CCDC85C: variants seen among roughly 807,000 people sequenced by gnomAD.
CCDC85C encodes coiled-coil domain containing 85C, also known as coiled-coil domain-containing protein 85C.
In CCDC85C, 18 loss-of-function variants were observed where a neutral mutation model predicts 38.3. That is an observed-to-expected ratio of 0.47 (90% CI 0.33 to 0.70). The LOEUF is 0.70. CCDC85C is among the 30% of genes least tolerant of loss of function. The probability of loss-of-function intolerance (pLI) is 0.03; values close to 1 mark genes in which losing one functional copy is unlikely to be tolerated. For synonymous variants in CCDC85C, 264 were observed against 293.8 expected (o/e 0.90, Z 1.04); for missense variants, 566 against 621.2 (o/e 0.91, Z 0.94).
intron 1 of CCDC85C, among the ~76,000 whole-genome samples, chr14:99,577,347 G>A (rs1221378036): frequency 2.7e-5 from 4 of 149,964 alleles, no homozygotes; most frequent in Non-Finnish European, 3.0e-5. Flanking sequence ...GAGGGCTGAC[G>A]GCGTGTCCAG....
chr14:99,573,173 A>G (rs1054686661), intron 1 of CCDC85C, among the ~76,000 whole-genome samples: 6 of 152,144 alleles, frequency 3.9e-5, no homozygotes, highest in Non-Finnish European at 8.8e-5. Context: ...TCCCCGCGGG[A>G]CCTGCTGCTC....
At chr14:99,564,600 G>T (rs1171605271) in intron 1 of CCDC85C, among the ~76,000 whole-genome samples, 1 of 152,152 alleles carries the variant, frequency 6.6e-6, no homozygotes, top group Non-Finnish European at 1.5e-5. Flanking sequence ...AGCCCCCCAG[G>T]GGGGCAGGCC....
chr14:99,539,820 G>T (rs80141450), intron 1 of CCDC85C, among the ~76,000 whole-genome samples: 1 of 152,092 alleles, frequency 6.6e-6, no homozygotes, highest in African/African-American at 2.4e-5. Context: ...TCAAATAATC[G>T]ACTTGTAGTC....
Position 99,500,676 on chromosome 14 carries a change from A to G in CCDC85C, c.*14570T>C. The G allele has an allele frequency of 1.2e-6, 1 of 840,156 alleles. No individual in the cohort carries two copies. Among genetic ancestry groups the G allele is most frequent in the Non-Finnish European group, 2.0e-6 (1 of 505,150 alleles). The allele number at this position is 840,156 out of a possible 1,614,324, so 52.0% of individuals were successfully genotyped here. ...AGTTGCTAAAATATAACTTGAAGAG[A>G]GAATAAATAGACAGGAAAGCTCACT... On this transcript the variant is annotated 3_prime_UTR_variant, in exon 6 of 6. Transcript: ENST00000380243.
chr14:99,594,064 C>T (rs1490303216), intron 1 of CCDC85C, among the ~76,000 whole-genome samples: 2 of 151,876 alleles, frequency 1.3e-5, no homozygotes, highest in Admixed American at 1.3e-4. Context: ...TAACTCGGTG[C>T]CAAGTGTACA....
Position 99,509,344 on chromosome 14 carries a change from T to C in CCDC85C, c.*5902A>G, listed in dbSNP as rs1897056047. The C allele has an allele frequency of 6.6e-6, 1 of 152,240 alleles. No homozygotes were observed. Among genetic ancestry groups the C allele is most frequent in the Non-Finnish European group, 1.5e-5 (1 of 68,054 alleles). The allele number at this position is 152,240 out of a possible 1,614,324, so 9.4% of individuals were successfully genotyped here. A position where few individuals can be genotyped will look rare whatever the true frequency, so the allele number is the denominator to read the frequency against. On this transcript the variant is annotated 3_prime_UTR_variant, in exon 6 of 6. Transcript: ENST00000380243. ...CCAGTGGTCTGACGGTGACCCGGGA[T>C]CACAGGCCAAAACATGTTAAATAAG...
chr14:99,574,934 C>T (rs960647506), intron 1 of CCDC85C, among the ~76,000 whole-genome samples: 2 of 152,204 alleles, frequency 1.3e-5, no homozygotes, highest in African/African-American at 4.8e-5. Context: ...ATGGGTCACC[C>T]CCAGGGTTGC....
At chr14:99,546,028 C>T (rs1897799507) in intron 1 of CCDC85C, among the ~76,000 whole-genome samples, 2 of 151,242 alleles carry the variant, frequency 1.3e-5, no homozygotes, top group Admixed American at 1.3e-4. Flanking sequence ...GATTATGATG[C>T]AACTAATCGC....
Position 99,503,588 on chromosome 14 carries a change from TTG to T in CCDC85C, c.*11656_*11657del. The T allele has an allele frequency of 6.4e-7, 1 of 1,551,412 alleles. No homozygotes were observed. The highest frequency in any genetic ancestry group is 8.7e-7 in the Non-Finnish European group (1 of 1,144,854). The stretch of plus-strand genomic sequence containing the variant: ...TCATACTCAGGATCCCAGTTAACAA[TTG>T]TGTATTTTCTTTTGTAACAGGTTGT... On this transcript the variant is annotated 3_prime_UTR_variant, in exon 6 of 6. Transcript: ENST00000380243.
In CCDC85C at chr14:99,503,285, A is replaced by G. The variant is rs1227600893; in HGVS notation, c.*11961T>C. The G allele has an allele frequency of 1.1e-5, 7 of 619,170 alleles. No individual in the cohort carries two copies. The highest frequency in any genetic ancestry group is 2.8e-5 in the East Asian group (1 of 36,106). 38.4% of individuals were successfully genotyped at this position (619,170 alleles called of 1,614,324 possible). On this transcript the variant is annotated 3_prime_UTR_variant, in exon 6 of 6. Coordinates refer to ENST00000380243, the MANE Select transcript of CCDC85C (RefSeq NM_001144995.2). ...CCGTGTCCTAGCAGTGTCGTTGTGC[A>G]TGCTGCTTCTGTGCAGCTGCCTGAC...
intron 1 of CCDC85C, among the ~76,000 whole-genome samples, chr14:99,575,198 G>C (rs553371014): frequency 1.3e-4 from 20 of 152,192 alleles, no homozygotes; most frequent in Non-Finnish European, 1.8e-4. Flanking sequence ...CGTGGGGTGA[G>C]GCCGCGTCCT....
chr14:99,603,054 C>G lies in CCDC85C; in HGVS notation c.793+113G>C, dbSNP rs2055220787. On this transcript the variant is annotated intron_variant, in intron 1 of 5. Coordinates refer to ENST00000380243, the MANE Select transcript of CCDC85C (RefSeq NM_001144995.2). The surrounding 1 kb of genome is among the most constrained non-coding windows in gnomAD (Gnocchi z 7.5). Reference sequence around the variant, plus strand: ...CAGGATCCATGACAGCTGGAGGAGTCTGGAGTGGCGGCCGCATGAGTGGGA... The same window carrying G: ...CAGGATCCATGACAGCTGGAGGAGTGTGGAGTGGCGGCCGCATGAGTGGGA... The G allele has an allele frequency of 8.1e-7, 1 of 1,228,416 alleles. No individual in the cohort carries two copies. Among genetic ancestry groups the G allele is most frequent in the Non-Finnish European group, 1.0e-6 (1 of 975,680 alleles). 76.1% of individuals were successfully genotyped at this position (1,228,416 alleles called of 1,614,324 possible).
At chr14:99,536,142 A>C in intron 1 of CCDC85C, 54 bp from the exon 2 acceptor site, 1 of 1,229,954 alleles carries the variant, frequency 8.1e-7, no homozygotes. Flanking sequence ...CTCCATCCCC[A>C]TTGCGCAACC....
chr14:99,518,056 T>G (rs1307775501), intron 3 of CCDC85C, among the ~76,000 whole-genome samples: 2 of 152,178 alleles, frequency 1.3e-5, no homozygotes, highest in African/African-American at 2.4e-5. Context: ...CCATGGAAGC[T>G]GAGTCTGCCG....
At chr14:99,561,513 C>T (rs925401473) in intron 1 of CCDC85C, among the ~76,000 whole-genome samples, 1 of 152,214 alleles carries the variant, frequency 6.6e-6, no homozygotes, top group Non-Finnish European at 1.5e-5. Context: ...GTCCCTCCCC[C>T]ACTGGAAAAT....
rs1896825476 is a variant in CCDC85C at position 99,501,570 on chromosome 14, C to T, written c.*13676G>A. On this transcript the variant is annotated 3_prime_UTR_variant, in exon 6 of 6. Transcript: ENST00000380243. ...GCAAAGCTGGGGCTGACGTCCAGGT[C>T]ATCTGCTTCCCGGCAGAGGGTTTCC... The T allele has an allele frequency of 8.4e-6, 5 of 596,626 alleles. No homozygotes were observed. The highest frequency in any genetic ancestry group is 1.9e-5 in the African/African-American group (1 of 53,576). 37.0% of individuals were successfully genotyped at this position (596,626 alleles called of 1,614,324 possible).
In CCDC85C at chr14:99,533,679, C is replaced by T. The variant is rs1897535303; in HGVS notation, c.867+2336G>A. On this transcript the variant is annotated intron_variant, in intron 2 of 5. Coordinates refer to ENST00000380243, the MANE Select transcript of CCDC85C (RefSeq NM_001144995.2). This position sits in a 1 kb window ranked among gnomAD's most constrained non-coding sequence, Gnocchi z 4.2. ...GTGAACAGAGCCCTGCTGCTACCCC[C>T]AGGGAGCTGGTGGGAGCAGGCCTGG... is the stretch of plus-strand genomic sequence containing the variant. Among the ~76,000 whole-genome samples, 1 of 152,220 alleles carries T rather than the reference C, an allele frequency of 6.6e-6. No individual in the cohort carries two copies. Among genetic ancestry groups the T allele is most frequent in the Non-Finnish European group, 1.5e-5 (1 of 68,036 alleles).
At chr14:99,557,543 G>T (rs1292566634) in intron 1 of CCDC85C, among the ~76,000 whole-genome samples, 2 of 152,222 alleles carry the variant, frequency 1.3e-5, no homozygotes, top group Non-Finnish European at 2.9e-5. Context: ...GCTGCATCTG[G>T]CTCTTCACCA....
At chr14:99,537,331 C>A (rs1456394892) in intron 1 of CCDC85C, among the ~76,000 whole-genome samples, 4 of 152,166 alleles carry the variant, frequency 2.6e-5, no homozygotes, top group Non-Finnish European at 5.9e-5. Flanking sequence ...TGGGGATGGA[C>A]TCCACAGGCT....
Sources: gnomAD v4.1 joint callset for allele counts (sites outside exome capture counted in the v4.1 genomes callset) on GRCh38, gnomAD v4.1.1 for gene constraint, Gnocchi (gnomAD v3.1) non-coding constraint, MANE v1.5 for transcripts, NCBI Gene and HGNC (gene_info 2026-07-23, HGNC 2026-07-21) for gene names.